BCAS3: variants seen among roughly 807,000 people sequenced by gnomAD.
BCAS3 encodes the protein BCAS4/BCAS3 fusion.
In BCAS3, 53 loss-of-function variants were observed where a neutral mutation model predicts 116.1. The ratio of observed to expected loss-of-function variants is 0.46; its 90% confidence interval spans 0.37 to 0.57. The LOEUF (loss-of-function observed/expected upper bound fraction) is 0.57, where lower values mean the gene tolerates loss of function less well. Ranked by LOEUF, BCAS3 falls within the 20% of genes least tolerant of loss-of-function variation. The pLI is 0.00. For missense variants in BCAS3, 917 were observed against 1,165.4 expected, an observed-to-expected ratio of 0.79 and a Z score of 3.10; for synonymous variants, 391 against 408.2, an observed-to-expected ratio of 0.96 and a Z score of 0.51.
intron 22 of BCAS3, among the ~76,000 whole-genome samples, chr17:61,317,589 TG>T (rs1476980719): frequency 2.0e-4 from 31 of 152,258 alleles, no homozygotes; most frequent in African/African-American, 7.5e-4. Flanking sequence ...CGTAGAGACC[TG>T]GGTCAGTGGG....
intron 22 of BCAS3, among the ~76,000 whole-genome samples, chr17:61,304,112 C>T (rs1250152057): frequency 1.3e-5 from 2 of 152,210 alleles, no homozygotes; most frequent in African/African-American, 2.4e-5. Flanking sequence ...GATTGTTTCT[C>T]TCTAAATAGT....
intron 22 of BCAS3, among the ~76,000 whole-genome samples, chr17:61,113,932 A>G (rs1017317449): frequency 3.4e-5 from 4 of 116,358 alleles, no homozygotes; most frequent in Admixed American, 1.9e-4. Context: ...GGCTGGTTCA[A>G]TATACGCAAA....
At chr17:60,900,707 T>C (rs969938612) in intron 10 of BCAS3, among the ~76,000 whole-genome samples, 9 of 152,134 alleles carry the variant, frequency 5.9e-5, no homozygotes, top group African/African-American at 1.9e-4. Context: ...AACTGCTTTT[T>C]TTTTTCTTTT....
rs1351649075 is a variant in BCAS3 at position 61,224,145 on chromosome 17, C to G, written c.2425+139581C>G. The stretch of plus-strand genomic sequence containing the variant: ...AGCAGTTTTTATTTTTATGCTTTAT[C>G]TTTATTATTTTCCCATTGATTTATA... On this transcript the variant is annotated intron_variant, in intron 22 of 23. Coordinates refer to ENST00000407086, the MANE Select transcript of BCAS3 (RefSeq NM_017679.5). This position sits in a 1 kb window ranked among gnomAD's most constrained non-coding sequence, Gnocchi z 5.7. Among the ~76,000 whole-genome samples, 2 of 152,110 alleles carry G rather than the reference C, an allele frequency of 1.3e-5. No homozygotes were observed. The highest frequency in any genetic ancestry group is 2.9e-5 in the Non-Finnish European group (2 of 67,986).
rs2057304304 is a variant in BCAS3 at position 61,343,284 on chromosome 17, A to G, written c.2426-25043A>G. Among the ~76,000 whole-genome samples, 1 of 152,212 alleles carries G rather than the reference A, an allele frequency of 6.6e-6. No individual in the cohort carries two copies. Among genetic ancestry groups the G allele is most frequent in the Admixed American group, 6.5e-5 (1 of 15,280 alleles). ...TGTGGAGGAGCAGAACAAGCCCTTC[A>G]ATTGTGCACCGTTGTGTATGGTGCC... On this transcript the variant is annotated intron_variant, in intron 22 of 23. Transcript: ENST00000407086. This position sits in a 1 kb window ranked among gnomAD's most constrained non-coding sequence, Gnocchi z 5.5.
chr17:60,997,984 A>G (rs1272874671), intron 15 of BCAS3, among the ~76,000 whole-genome samples: 1 of 151,670 alleles, frequency 6.6e-6, no homozygotes, highest in Non-Finnish European at 1.5e-5. Flanking sequence ...TGGTTTTTCA[A>G]CCTCCCCACC....
chr17:61,038,668 G>GTTTTTTTT (rs1244364326), intron 18 of BCAS3, among the ~76,000 whole-genome samples: 13 of 113,928 alleles, frequency 1.1e-4, no homozygotes, highest in South Asian at 3.1e-4. Flanking sequence ...TTTTGTTTTT[G>GTTTTTTTT]TTTTTTTTTT....
At chr17:60,848,971 G>T (rs1415104415) in intron 7 of BCAS3, among the ~76,000 whole-genome samples, 1 of 150,954 alleles carries the variant, frequency 6.6e-6, no homozygotes, top group Admixed American at 6.6e-5. Context: ...CAGAGGCTCA[G>T]CCAGAGATGC....
In BCAS3 at chr17:61,161,132, C is replaced by G. The variant is rs981949754; in HGVS notation, c.2425+76568C>G. Reference sequence around the variant, plus strand: ...ATAAAAGTCTCAATTAGGTTGCTGCCTAGCAGGAAGCTTATAACCACATTA... The same window carrying G: ...ATAAAAGTCTCAATTAGGTTGCTGCGTAGCAGGAAGCTTATAACCACATTA... On this transcript the variant is annotated intron_variant, in intron 22 of 23. Transcript: ENST00000407086. This position sits in a 1 kb window ranked among gnomAD's most constrained non-coding sequence, Gnocchi z 4.8. Among the ~76,000 whole-genome samples, 10 of 152,126 alleles carry G rather than the reference C, an allele frequency of 6.6e-5. No individual in the cohort carries two copies. Among genetic ancestry groups the G allele is most frequent in the Admixed American group, 2.6e-4 (4 of 15,274 alleles).
rs1042044866 is a variant in BCAS3 at position 61,095,342 on chromosome 17, T to C, written c.2425+10778T>C. On this transcript the variant is annotated intron_variant, in intron 22 of 23. Transcript: ENST00000407086. The surrounding 1 kb of genome is among the most constrained non-coding windows in gnomAD (Gnocchi z 4.7). ...GAAAATATTTTTATATAGAATGTAATTGATATTTCTACATAGAGGCTTTAT... is the reference window on the plus strand; with the variant it reads ...GAAAATATTTTTATATAGAATGTAACTGATATTTCTACATAGAGGCTTTAT... 6.6e-6 allele frequency among the ~76,000 whole-genome samples: 1 copy of C among 152,232 alleles called. No homozygotes were observed. The highest frequency in any genetic ancestry group is 6.5e-5 in the Admixed American group (1 of 15,286).
chr17:60,850,834 C>A (rs944169564), intron 7 of BCAS3, among the ~76,000 whole-genome samples: 7 of 151,952 alleles, frequency 4.6e-5, no homozygotes, highest in Non-Finnish European at 1.0e-4. Flanking sequence ...ATGAGTAAAA[C>A]AACAAAATAC....
intron 19 of BCAS3, among the ~76,000 whole-genome samples, chr17:61,053,306 C>T (rs1018202358): frequency 3.3e-5 from 5 of 152,088 alleles, no homozygotes; most frequent in African/African-American, 1.2e-4. Context: ...ATTTTTCATT[C>T]TAATATAAAG....
At chr17:61,264,058 G>C (rs1304832061) in intron 22 of BCAS3, among the ~76,000 whole-genome samples, 2 of 152,268 alleles carry the variant, frequency 1.3e-5, no homozygotes, top group Middle Eastern at 3.4e-3. Context: ...TCTAGAGCCA[G>C]ACTATTCCCT....
rs1449571396 is a variant in BCAS3 at position 61,378,954 on chromosome 17, C to T, written c.2593+10460C>T. On this transcript the variant is annotated intron_variant, in intron 23 of 23. Transcript: ENST00000407086. This position sits in a 1 kb window ranked among gnomAD's most constrained non-coding sequence, Gnocchi z 5.8. ...ACTTTTCAACTCTTTCACCAAGGCACAGTGATTCCTATCAACAAGGAGGAA... is the reference window on the plus strand; with the variant it reads ...ACTTTTCAACTCTTTCACCAAGGCATAGTGATTCCTATCAACAAGGAGGAA... 1 of 152,244 alleles carries T rather than the reference C, an allele frequency of 6.6e-6. No homozygotes were observed. Among genetic ancestry groups the T allele is most frequent in the African/African-American group, 2.4e-5 (1 of 41,436 alleles). The allele number at this position is 152,244 out of a possible 1,614,324, so 9.4% of individuals were successfully genotyped here.
intron 7 of BCAS3, among the ~76,000 whole-genome samples, chr17:60,812,879 A>G (rs546037103): frequency 2.0e-5 from 3 of 152,226 alleles, no homozygotes; most frequent in South Asian, 2.1e-4. Context: ...AGCTGGGACT[A>G]TAAGTTATGC....
chr17:61,305,145 G>A (rs971666152), intron 22 of BCAS3, among the ~76,000 whole-genome samples: 10 of 152,080 alleles, frequency 6.6e-5, no homozygotes, highest in African/African-American at 2.2e-4. Flanking sequence ...ATTTGTATAG[G>A]GCTCTATCCC....
At chr17:60,717,036 T>G (rs532066188) in intron 5 of BCAS3, among the ~76,000 whole-genome samples, 6 of 152,078 alleles carry the variant, frequency 3.9e-5, no homozygotes, top group African/African-American at 7.2e-5. Flanking sequence ...ATAGGGTGGT[T>G]GTTGTTGCTG....
intron 12 of BCAS3, among the ~76,000 whole-genome samples, chr17:60,912,859 G>C (rs2145109742): frequency 6.6e-6 from 1 of 152,114 alleles, no homozygotes; most frequent in Non-Finnish European, 1.5e-5. Flanking sequence ...CCATACATCT[G>C]TTAAAGATCT....
At chr17:60,680,222 T>A (rs1476797367) in intron 2 of BCAS3, among the ~76,000 whole-genome samples, 1 of 151,888 alleles carries the variant, frequency 6.6e-6, no homozygotes, top group Non-Finnish European at 1.5e-5. Context: ...TTTCATGACA[T>A]GCACATAAAT....
Sources: gnomAD v4.1 joint callset for allele counts (sites outside exome capture counted in the v4.1 genomes callset) on GRCh38, gnomAD v4.1.1 for gene constraint, Gnocchi (gnomAD v3.1) non-coding constraint, MANE v1.5 for transcripts, NCBI Gene and HGNC (gene_info 2026-07-23, HGNC 2026-07-21) for gene names.